Variants in MOB3B observed in about 807,000 individuals in gnomAD.
The protein encoded by MOB3B is MOB kinase activator 3B, also known as MOB kinase activator-like 2B.
MOB3B carries 7 observed loss-of-function variants against 18.7 expected under a neutral mutation model. That is an observed-to-expected ratio of 0.37 (90% CI 0.21 to 0.70). The LOEUF is 0.70. Ranked by LOEUF, MOB3B falls within the 30% of genes least tolerant of loss-of-function variation. The pLI, the probability that MOB3B is intolerant of heterozygous loss-of-function variation, is 0.52. For synonymous variants in MOB3B, 111 were observed against 99.9 expected (o/e 1.11, Z -0.66); for missense variants, 253 against 281.3 (o/e 0.90, Z 0.72).
At chr9:27,490,395 T>C (rs1399082876) in intron 1 of MOB3B, among the ~76,000 whole-genome samples, 1 of 152,156 alleles carries the variant, frequency 6.6e-6, no homozygotes, top group Non-Finnish European at 1.5e-5. Context: ...ATTATGTGTG[T>C]TTGTGGAATT....
chr9:27,389,033 AAAT>A (rs1237075447), intron 2 of MOB3B, among the ~76,000 whole-genome samples: 1 of 152,218 alleles, frequency 6.6e-6, no homozygotes, highest in African/African-American at 2.4e-5. Context: ...ATCATTTTAA[AAAT>A]AATAATTAAA....
chr9:27,499,643 C>T (rs1819957581), intron 1 of MOB3B, among the ~76,000 whole-genome samples: 1 of 152,178 alleles, frequency 6.6e-6, no homozygotes, highest in South Asian at 2.1e-4. Flanking sequence ...TTCCACACTG[C>T]CATTTCTCGT....
chr9:27,379,428 T>A (rs1230070132), intron 2 of MOB3B, among the ~76,000 whole-genome samples: 5 of 152,172 alleles, frequency 3.3e-5, no homozygotes, highest in Non-Finnish European at 7.3e-5. Flanking sequence ...GAGGGTTTAC[T>A]CTGAACCAGG....
chr9:27,475,677 C>T (rs1387342566), intron 1 of MOB3B, among the ~76,000 whole-genome samples: 1 of 152,208 alleles, frequency 6.6e-6, no homozygotes, highest in Non-Finnish European at 1.5e-5. Flanking sequence ...GACATCCATT[C>T]CTGTAAACTC....
chr9:27,516,728 G>A (rs541094848), intron 1 of MOB3B, among the ~76,000 whole-genome samples: 2 of 152,294 alleles, frequency 1.3e-5, no homozygotes, highest in East Asian at 3.9e-4. Flanking sequence ...TTCTGACACA[G>A]ACCCACTTCA....
At chr9:27,436,739 T>C (rs890439582) in intron 2 of MOB3B, among the ~76,000 whole-genome samples, 17 of 152,150 alleles carry the variant, frequency 1.1e-4, no homozygotes, top group African/African-American at 3.9e-4. Context: ...TGAATAAATA[T>C]ACATGACAAA....
chr9:27,489,584 T>C (rs901788973), intron 1 of MOB3B, among the ~76,000 whole-genome samples: 1 of 152,120 alleles, frequency 6.6e-6, no homozygotes, highest in Admixed American at 6.6e-5. Context: ...TGGTGAGGCA[T>C]AAATTTCCCT....
At chr9:27,388,524 T>C (rs1821679161) in intron 2 of MOB3B, among the ~76,000 whole-genome samples, 1 of 152,106 alleles carries the variant, frequency 6.6e-6, no homozygotes, top group South Asian at 2.1e-4. Context: ...ATGAATAAAT[T>C]CTTCAGCAGT....
intron 2 of MOB3B, among the ~76,000 whole-genome samples, chr9:27,416,544 ATTT>A (rs559806304): frequency 0.013 from 1,537 of 121,336 alleles, 54 homozygotes; most frequent in African/African-American, 0.028. Context: ...TTTCTTTTTA[ATTT>A]TTTTTTTTTT....
At chr9:27,396,000 G>A (rs868827891) in intron 2 of MOB3B, among the ~76,000 whole-genome samples, 2 of 152,268 alleles carry the variant, frequency 1.3e-5, no homozygotes, top group African/African-American at 2.4e-5. Flanking sequence ...CTTTGAGGAC[G>A]GGGGTTATGT....
chr9:27,503,862 G>A (rs1174821978), intron 1 of MOB3B, among the ~76,000 whole-genome samples: 1 of 152,184 alleles, frequency 6.6e-6, no homozygotes, highest in Non-Finnish European at 1.5e-5. Context: ...ACTGGCTGAT[G>A]GAGAAACATA....
chr9:27,455,784 C>T, intron 1 of MOB3B, 36 bp from the exon 2 acceptor site: 1 of 1,400,146 alleles, frequency 7.1e-7, no homozygotes, highest in Non-Finnish European at 9.3e-7. Flanking sequence ...ACATGAGTGC[C>T]CAGTTCGCCT....
intron 1 of MOB3B, among the ~76,000 whole-genome samples, chr9:27,511,964 G>A (rs991011664): frequency 6.6e-6 from 1 of 151,784 alleles, no homozygotes; most frequent in Non-Finnish European, 1.5e-5. Context: ...GTGGCCATGT[G>A]ACTAAGTTCC....
intron 2 of MOB3B, among the ~76,000 whole-genome samples, chr9:27,430,713 G>C (rs1230238010): frequency 1.3e-5 from 2 of 151,968 alleles, no homozygotes; most frequent in Non-Finnish European, 2.9e-5. Flanking sequence ...CCTAAAACAG[G>C]TCATCGTGAA....
chr9:27,346,721 G>A (rs1169007144), intron 3 of MOB3B, among the ~76,000 whole-genome samples: 1 of 152,180 alleles, frequency 6.6e-6, no homozygotes, highest in African/African-American at 2.4e-5. Context: ...GAGGCCGGGT[G>A]CGGTGGCTCA....
chr9:27,471,420 G>T (rs1819469210), intron 1 of MOB3B, among the ~76,000 whole-genome samples: 1 of 152,190 alleles, frequency 6.6e-6, no homozygotes, highest in Non-Finnish European at 1.5e-5. Context: ...CTGTGGAGAG[G>T]CTAGTTCAAT....
At chr9:27,425,884 T>C (rs1175754054) in intron 2 of MOB3B, among the ~76,000 whole-genome samples, 8 of 152,150 alleles carry the variant, frequency 5.3e-5, no homozygotes, top group African/African-American at 1.7e-4. Flanking sequence ...ACAAAGGGCC[T>C]GAAATGAGGG....
At chr9:27,342,276 G>A (rs769717449) in intron 3 of MOB3B, among the ~76,000 whole-genome samples, 9 of 152,146 alleles carry the variant, frequency 5.9e-5, no homozygotes, top group South Asian at 4.1e-4. Context: ...TTCCAAAACT[G>A]ACCTGGCAAT....
At chr9:27,447,492 T>C (rs1325309688) in intron 2 of MOB3B, among the ~76,000 whole-genome samples, 1 of 152,178 alleles carries the variant, frequency 6.6e-6, no homozygotes, top group African/African-American at 2.4e-5. Flanking sequence ...CAGCTGGTGC[T>C]GAGATGTAAC....
Sources: gnomAD v4.1 joint callset for allele counts (sites outside exome capture counted in the v4.1 genomes callset) on GRCh38, gnomAD v4.1.1 for gene constraint, MANE v1.5 for transcripts, NCBI Gene and HGNC (gene_info 2026-07-23, HGNC 2026-07-21) for gene names.